Variants in SMYD2 observed in about 807,000 individuals in gnomAD.
SMYD2 encodes the protein SET and MYND domain containing 2.
In SMYD2, 53 loss-of-function variants were observed where a neutral mutation model predicts 59.1. The ratio of observed to expected loss-of-function variants is 0.90; its 90% CI spans 0.72 to 1.13. SMYD2 has a LOEUF of 1.13. Among genes scored for constraint, SMYD2 ranks in the 50% most tolerant of loss-of-function variants. The pLI, the probability that SMYD2 is intolerant of heterozygous loss-of-function variation, is 0.00. For synonymous variants in SMYD2, 208 were observed against 198.8 expected (o/e 1.05, Z -0.39); for missense variants, 494 against 544.7 (o/e 0.91, Z 0.93).
chr1:214,300,282 T>C (rs1294163793), intron 1 of SMYD2, among the ~76,000 whole-genome samples: 2 of 152,170 alleles, frequency 1.3e-5, no homozygotes, highest in South Asian at 2.1e-4. Flanking sequence ...GAGCACATGA[T>C]CCAGCTTGGA....
chr1:214,306,676 T>C (rs774561175), intron 2 of SMYD2, among the ~76,000 whole-genome samples: 15 of 152,222 alleles, frequency 9.9e-5, no homozygotes, highest in Non-Finnish European at 1.8e-4. Flanking sequence ...CTGCGACATA[T>C]ATGGTTTGAT....
chr1:214,284,222 A>AT (rs542292999), intron 1 of SMYD2, among the ~76,000 whole-genome samples: 224 of 126,438 alleles, frequency 1.8e-3, no homozygotes, highest in Middle Eastern at 4.5e-3. Context: ...ACACATACAC[A>AT]TTTTGGCCAT....
intron 1 of SMYD2, among the ~76,000 whole-genome samples, chr1:214,295,433 C>G (rs1656709251): frequency 6.6e-6 from 1 of 152,046 alleles, no homozygotes; most frequent in African/African-American, 2.4e-5. Flanking sequence ...TAAATTTTGT[C>G]TGGGCCAGAG....
At chr1:214,289,332 T>A (rs1012279372) in intron 1 of SMYD2, among the ~76,000 whole-genome samples, 3 of 152,336 alleles carry the variant, frequency 2.0e-5, no homozygotes, top group Non-Finnish European at 2.9e-5. Context: ...CTCTTTTCCC[T>A]GTCAGTATAA....
At chr1:214,303,171 T>A (rs896836275) in intron 1 of SMYD2, among the ~76,000 whole-genome samples, 4 of 152,124 alleles carry the variant, frequency 2.6e-5, no homozygotes, top group African/African-American at 9.7e-5. Flanking sequence ...ATATTAAAGA[T>A]GACTTTTTGG....
intron 5 of SMYD2, among the ~76,000 whole-genome samples, chr1:214,319,227 C>T (rs1051396440): frequency 6.6e-6 from 1 of 152,148 alleles, no homozygotes; most frequent in Non-Finnish European, 1.5e-5. Flanking sequence ...GCCTCTGCCT[C>T]ACAAAGAGTT....
chr1:214,313,705 GCAT>G (rs1657035977), intron 2 of SMYD2, among the ~76,000 whole-genome samples: 1 of 151,874 alleles, frequency 6.6e-6, no homozygotes, highest in Admixed American at 6.6e-5. Context: ...TCCAGCACTG[GCAT>G]CATCATTTAC....
Position 214,281,328 on chromosome 1 carries a change from A to G in SMYD2, c.74A>G (p.Gln25Arg). The G allele has an allele frequency of 7.0e-7, 1 of 1,434,026 alleles. No individual in the cohort carries two copies. Among genetic ancestry groups the G allele is most frequent in the South Asian group, 1.6e-5 (1 of 62,792 alleles). The allele number at this position is 1,434,026 out of a possible 1,614,324, so 88.8% of individuals were successfully genotyped here. ...AAAGGCCGGGGGCTGCGGGCTCTGC[A>G]GCCCTTCCAGGTGGGGGACTTGCTG... ...PGKGRGLRALQPFQVGDLLFS... is the reference protein window; with the variant it reads ...PGKGRGLRALRPFQVGDLLFS... The change falls in exon 1 of 12, where the codon CAG becomes CGG. Residue 25 changes from glutamine to arginine, a missense_variant. Transcript: ENST00000366957.
At chr1:214,326,414 A>G (rs1657263080) in intron 6 of SMYD2, among the ~76,000 whole-genome samples, 1 of 152,072 alleles carries the variant, frequency 6.6e-6, no homozygotes, top group Non-Finnish European at 1.5e-5. Flanking sequence ...TACTTCCGCA[A>G]GATGGTTTTA....
intron 1 of SMYD2, among the ~76,000 whole-genome samples, chr1:214,286,994 A>G (rs895927720): frequency 5.9e-5 from 9 of 151,326 alleles, no homozygotes; most frequent in Middle Eastern, 3.4e-3. Flanking sequence ...ATGCCTGGCT[A>G]ATTTTTGTAT....
chr1:214,332,077 G>C lies in SMYD2; in HGVS notation c.997G>C (p.Glu333Gln). 1.2e-6 allele frequency: 2 copies of C among 1,614,128 alleles called. No homozygotes were observed. The highest frequency in any genetic ancestry group is 1.1e-5 in the South Asian group (1 of 91,082). The change falls in exon 10 of 12, where the codon GAG (glutamate) becomes CAG (glutamine). Residue 333 changes from glutamate (E) to glutamine (Q), a missense_variant. Glu to Gln is a conservative substitution (Grantham distance 29). Coordinates refer to ENST00000366957, the MANE Select transcript of SMYD2 (RefSeq NM_020197.3). ...LSQEKMSSVF[E>Q]DSNVYMLHMM... ...CCAGGAGAAGATGAGCTCTGTGTTTGAGGACAGTAACGTGTACATGTTGCA... is the reference window on the plus strand; with the variant it reads ...CCAGGAGAAGATGAGCTCTGTGTTTCAGGACAGTAACGTGTACATGTTGCA...
intron 1 of SMYD2, among the ~76,000 whole-genome samples, chr1:214,287,455 C>CTACT (rs1656568041): frequency 2.0e-5 from 3 of 151,646 alleles, no homozygotes; most frequent in Non-Finnish European, 4.4e-5. Context: ...GGCATAGTGG[C>CTACT]GGGCGCCTGT....
chr1:214,282,537 C>T (rs940918968), intron 1 of SMYD2, among the ~76,000 whole-genome samples: 1 of 152,174 alleles, frequency 6.6e-6, no homozygotes, highest in Non-Finnish European at 1.5e-5. Flanking sequence ...CTGGATTAAG[C>T]TGACCTGCGG....
chr1:214,294,796 A>G (rs1307337753), intron 1 of SMYD2, among the ~76,000 whole-genome samples: 1 of 152,216 alleles, frequency 6.6e-6, no homozygotes, highest in African/African-American at 2.4e-5. Flanking sequence ...CACAATTAGC[A>G]TTAGACTATA....
intron 7 of SMYD2, among the ~76,000 whole-genome samples, chr1:214,329,369 C>T (rs1265408116): frequency 6.6e-6 from 1 of 152,126 alleles, no homozygotes; most frequent in Non-Finnish European, 1.5e-5. Context: ...TTCATGAGAT[C>T]CATCTGTTCA....
chr1:214,317,343 C>T (rs1657103478), intron 3 of SMYD2, among the ~76,000 whole-genome samples: 1 of 152,182 alleles, frequency 6.6e-6, no homozygotes, highest in African/African-American at 2.4e-5. Context: ...TAGTAGCTTG[C>T]AAAGGATTAG....
intron 1 of SMYD2, among the ~76,000 whole-genome samples, chr1:214,284,076 C>T (rs1656491543): frequency 6.6e-6 from 1 of 151,988 alleles, no homozygotes; most frequent in Non-Finnish European, 1.5e-5. Context: ...TGGTGGGTGC[C>T]ATTGGAGAAC....
intron 3 of SMYD2, 74 bp downstream of exon 3, chr1:214,314,946 A>C (rs1471492367): frequency 1.9e-6 from 2 of 1,074,890 alleles, no homozygotes; most frequent in Non-Finnish European, 2.8e-6. Context: ...TGAGTAACTG[A>C]CCTTTGGTAA....
At chr1:214,305,328 G>T (rs1470019256) in intron 2 of SMYD2, 78 bp downstream of exon 2, 8 of 1,351,680 alleles carry the variant, frequency 5.9e-6, no homozygotes, top group Non-Finnish European at 8.5e-6. Flanking sequence ...ATTCCTCAGC[G>T]CCCTCCTGGA....
Sources: allele counts gnomAD v4.1 joint callset (sites outside exome capture counted in the v4.1 genomes callset), GRCh38; gene constraint gnomAD v4.1.1; transcripts MANE v1.5; gene names NCBI Gene and HGNC (gene_info 2026-07-23, HGNC 2026-07-21).